MAGI1: variants seen among roughly 807,000 people sequenced by gnomAD.
The protein encoded by MAGI1 is membrane associated guanylate kinase, WW and PDZ domain containing 1, also known as membrane-associated guanylate kinase, WW and PDZ domain-containing protein 1.
MAGI1 carries 58 observed loss-of-function variants against 139.9 expected under a neutral mutation model. The observed-to-expected ratio is 0.41, with a 90% confidence interval of 0.34 to 0.52. The LOEUF (loss-of-function observed/expected upper bound fraction) is 0.52. Ranked by LOEUF, MAGI1 falls within the 20% of genes least tolerant of loss-of-function variation. MAGI1 has a pLI of 0.12. For missense variants in MAGI1, 1,874 were observed against 1,901.6 expected, an observed-to-expected ratio of 0.99 and a Z score of 0.27; for synonymous variants, 812 against 737.9, an observed-to-expected ratio of 1.10 and a Z score of -1.63.
intron 2 of MAGI1, among the ~76,000 whole-genome samples, chr3:65,524,803 G>A (rs1438734159): frequency 6.6e-6 from 1 of 152,130 alleles, no homozygotes; most frequent in East Asian, 1.9e-4. Flanking sequence ...CTCTCTCTCA[G>A]CTCCAAGGGG....
At chr3:65,477,055 A>G (rs923104446) in intron 4 of MAGI1, among the ~76,000 whole-genome samples, 2 of 152,214 alleles carry the variant, frequency 1.3e-5, no homozygotes, top group Admixed American at 6.5e-5. Flanking sequence ...GTCATTTTAC[A>G]TATGGATGAG....
At chr3:65,630,017 C>G (rs1014738098) in intron 1 of MAGI1, among the ~76,000 whole-genome samples, 5 of 152,128 alleles carry the variant, frequency 3.3e-5, no homozygotes, top group African/African-American at 1.2e-4. Flanking sequence ...GTACAACAAA[C>G]AAAGTTAAAA....
intron 1 of MAGI1, among the ~76,000 whole-genome samples, chr3:65,979,088 T>TCCCCCCCCCCCCCCCCCC (rs200894076): frequency 1.9e-4 from 10 of 52,986 alleles, no homozygotes; most frequent in African/African-American, 3.5e-4. Context: ...TTTCTTTTCT[T>TCCCCCCCCCCCCCCCCCC]CCCCCCCCCC....
In MAGI1 at chr3:65,691,706, C is replaced by A. The variant is rs111826048; in HGVS notation, c.314-69618G>T. ...CAAATCTAACAGAATTTAAATCTCA[C>A]TACCTCAGCGTGAATCAAAATAATA... is the stretch of plus-strand genomic sequence containing the variant. On this transcript the variant is annotated intron_variant, in intron 1 of 22. Coordinates refer to ENST00000402939, the MANE Select transcript of MAGI1 (RefSeq NM_001033057.2). Among the ~76,000 whole-genome samples, 1,384 of 152,268 alleles carry A rather than the reference C, an allele frequency of 9.1e-3. 22 individuals are homozygous for A. The highest frequency in any genetic ancestry group is 0.032 in the African/African-American group (1,326 of 41,556).
At chr3:65,862,382 T>C (rs1180893708) in intron 1 of MAGI1, among the ~76,000 whole-genome samples, 1 of 152,188 alleles carries the variant, frequency 6.6e-6, no homozygotes, top group Non-Finnish European at 1.5e-5. Flanking sequence ...TTAATCTAAT[T>C]ACTCATGCCT....
Position 65,813,475 on chromosome 3 carries a change from C to A in MAGI1, c.314-191387G>T, listed in dbSNP as rs190163371. 4.6e-3 allele frequency among the ~76,000 whole-genome samples: 698 copies of A among 152,202 alleles called. 10 individuals carry two copies. The highest frequency in any genetic ancestry group is 0.037 in the South Asian group (180 of 4,820). Reference sequence around the variant, plus strand: ...AAACAAATCAAATGGACAAAATGAGCTTCTATTTAGGGCCTATGAAATTAG... The same window carrying A: ...AAACAAATCAAATGGACAAAATGAGATTCTATTTAGGGCCTATGAAATTAG... On this transcript the variant is annotated intron_variant, in intron 1 of 22. Coordinates refer to ENST00000402939, the MANE Select transcript of MAGI1 (RefSeq NM_001033057.2).
chr3:65,439,725 G>A (rs1286002214), intron 9 of MAGI1, among the ~76,000 whole-genome samples, 154 bp downstream of exon 9: 1 of 152,082 alleles, frequency 6.6e-6, no homozygotes, highest in African/African-American at 2.4e-5. Context: ...ACATGGAGAG[G>A]GGGTTCTCTT....
chr3:65,384,963 C>A (rs974811973), intron 14 of MAGI1, among the ~76,000 whole-genome samples: 1 of 152,114 alleles, frequency 6.6e-6, no homozygotes, highest in Non-Finnish European at 1.5e-5. Context: ...TTACCAAAAT[C>A]AGCCAGGCCT....
chr3:65,509,589 T>C (rs1399232790), intron 2 of MAGI1, among the ~76,000 whole-genome samples: 1 of 152,182 alleles, frequency 6.6e-6, no homozygotes, highest in Non-Finnish European at 1.5e-5. Flanking sequence ...ATATTTCGCT[T>C]TTCAGACCGG....
chr3:65,786,059 GATTCTCCTGCCTC>G (rs1467926277), intron 1 of MAGI1, among the ~76,000 whole-genome samples: 1 of 151,488 alleles, frequency 6.6e-6, no homozygotes, highest in East Asian at 1.9e-4. Context: ...GGATTCAAGT[GATTCTCCTGCCTC>G]AGCCTCCCGA....
Position 65,453,250 on chromosome 3 carries a change from C to A in MAGI1, c.1042+8G>T, listed in dbSNP as rs765733674. The A allele has an allele frequency of 2.5e-4, 408 of 1,613,434 alleles. No individual in the cohort carries two copies. The highest frequency in any genetic ancestry group is 3.3e-4 in the Non-Finnish European group (395 of 1,179,738). On this transcript the variant is annotated splice_region_variant and intron_variant, in intron 6 of 22. Transcript: ENST00000402939. ...TTCACTTAACCCAAGACCTGCCTGG[C>A]CCCTTACCATCATCTTCACACTCTT...
intron 2 of MAGI1, among the ~76,000 whole-genome samples, chr3:65,610,397 A>G (rs1057080298): frequency 2.6e-5 from 4 of 152,218 alleles, no homozygotes; most frequent in African/African-American, 9.6e-5. Context: ...GAATTCGAAC[A>G]GAATTTCAGT....
At chr3:65,993,296 A>G (rs1373249845) in intron 1 of MAGI1, among the ~76,000 whole-genome samples, 1 of 152,054 alleles carries the variant, frequency 6.6e-6, no homozygotes, top group African/African-American at 2.4e-5. Flanking sequence ...CAGTTTCCCC[A>G]CTGAGGCTTA....
At chr3:65,571,354 C>G (rs887202707) in intron 2 of MAGI1, among the ~76,000 whole-genome samples, 1 of 151,966 alleles carries the variant, frequency 6.6e-6, no homozygotes, top group Non-Finnish European at 1.5e-5. Context: ...AATAAATGCT[C>G]TTTAAATGGT....
chr3:65,476,108 A>G (rs1950873976), intron 4 of MAGI1, among the ~76,000 whole-genome samples: 1 of 152,024 alleles, frequency 6.6e-6, no homozygotes, highest in Non-Finnish European at 1.5e-5. Context: ...TCAGAACACA[A>G]AATGCTTTGA....
intron 1 of MAGI1, among the ~76,000 whole-genome samples, chr3:65,701,756 T>C (rs1282364324): frequency 6.6e-6 from 1 of 152,098 alleles, no homozygotes; most frequent in Non-Finnish European, 1.5e-5. Flanking sequence ...TTTTTCTTCC[T>C]TGATGCTCAG....
At chr3:65,740,652 T>A (rs2035183969) in intron 1 of MAGI1, among the ~76,000 whole-genome samples, 1 of 152,200 alleles carries the variant, frequency 6.6e-6, no homozygotes, top group Non-Finnish European at 1.5e-5. Flanking sequence ...TTATTTTGCA[T>A]CGGTTAAGAA....
chr3:65,846,916 C>T (rs1056261534), intron 1 of MAGI1, among the ~76,000 whole-genome samples: 4 of 99,426 alleles, frequency 4.0e-5, no homozygotes, highest in Non-Finnish European at 7.5e-5. Flanking sequence ...CCTACTCCCC[C>T]AAACAAAGGA....
In MAGI1 at chr3:65,429,670, C is replaced by G; in HGVS notation, c.2017G>C (p.Asp673His). The G allele has an allele frequency of 6.2e-7, 1 of 1,613,932 alleles. No homozygotes were observed. The highest frequency in any genetic ancestry group is 8.5e-7 in the Non-Finnish European group (1 of 1,179,952). Residue 673 changes from aspartate to histidine, a missense_variant, in exon 12 of 23, where the codon GAC becomes CAC. This residue lies in a region of MAGI1 where 482 missense variants were observed against 509.6 expected (regional missense o/e 0.95). Coordinates refer to ENST00000402939, the MANE Select transcript of MAGI1 (RefSeq NM_001033057.2). ...GGGQRVKQIVDSPRCRGLKEG... is the reference protein window; with the variant it reads ...GGGQRVKQIVHSPRCRGLKEG... The stretch of plus-strand genomic sequence containing the variant: ...TTCAGGCCTCGGCACCTTGGGCTGT[C>G]AACAATCTGTTTCACTCTTTGGCCA...
Sources: gnomAD v4.1 joint callset for allele counts (sites outside exome capture counted in the v4.1 genomes callset) on GRCh38, gnomAD v4.1.1 for gene constraint, gnomAD v4.1.1 regional missense constraint, MANE v1.5 for transcripts, NCBI Gene and HGNC (gene_info 2026-07-23, HGNC 2026-07-21) for gene names.